The following CYTH1 variants were observed in gnomAD, a reference collection of about 807,000 sequenced individuals.
The protein encoded by CYTH1 is cytohesin-1.
CYTH1 carries 18 observed loss-of-function variants against 61.8 expected under a neutral mutation model. The observed-to-expected ratio is 0.29, with a 90% CI of 0.20 to 0.43. The LOEUF is 0.43. Ranked by LOEUF, CYTH1 falls within the 20% of genes least tolerant of loss-of-function variation. CYTH1 has a pLI of 1.00. For synonymous variants in CYTH1, 174 were observed against 184.3 expected (o/e 0.94, Z 0.45); for missense variants, 336 against 510.5 (o/e 0.66, Z 3.29).
intron 1 of CYTH1, among the ~76,000 whole-genome samples, chr17:78,730,698 T>C (rs894501227): frequency 2.0e-5 from 3 of 151,536 alleles, no homozygotes; most frequent in African/African-American, 4.8e-5. Context: ...GGAGTCTCGC[T>C]CTGTCGCCCA....
In CYTH1 at chr17:78,680,240, C is replaced by A; in HGVS notation, c.1068G>T (p.Arg356=). The change falls in exon 13 of 14, where the codon CGG becomes CGT. Residue 356 remains arginine, a synonymous_variant. Transcript: ENST00000446868. ...TCTCCTCGGGCGTCGGAGCTGAGAT[C>A]CGGTAAACAGTGTGGTTCCCCTCCA... ...RVVEGNHTVY[R]ISAPTPEEKE... The A allele has an allele frequency of 6.2e-7, 1 of 1,614,170 alleles. No individual in the cohort carries two copies. Among genetic ancestry groups the A allele is most frequent in the Admixed American group, 1.7e-5 (1 of 60,020 alleles).
intron 2 of CYTH1, 98 bp from the exon 3 acceptor site, chr17:78,708,359 T>C: frequency 8.7e-7 from 1 of 1,145,266 alleles, no homozygotes; most frequent in Non-Finnish European, 1.2e-6. Flanking sequence ...AAAAACAAAA[T>C]AAAGCAAAAT....
At chr17:78,706,392 T>C (rs1374032214) in intron 3 of CYTH1, among the ~76,000 whole-genome samples, 1 of 147,520 alleles carries the variant, frequency 6.8e-6, no homozygotes, top group Non-Finnish European at 1.5e-5. Context: ...TGCTCACGCA[T>C]GGAAGCACAC....
chr17:78,702,026 AACCCCTCC>A (rs2093015550), intron 5 of CYTH1, 88 bp downstream of exon 5: 1 of 1,084,892 alleles, frequency 9.2e-7, no homozygotes, highest in East Asian at 2.4e-5. Flanking sequence ...TTAAGGCAAA[AACCCCTCC>A]AAGAACTTCA....
intron 1 of CYTH1, among the ~76,000 whole-genome samples, chr17:78,754,270 A>G (rs535396161): frequency 6.6e-6 from 1 of 152,326 alleles, no homozygotes; most frequent in East Asian, 1.9e-4. Flanking sequence ...TTGCCCACCC[A>G]TAAGAATTTA....
At chr17:78,716,950 G>A (rs2144501520) in intron 1 of CYTH1, 1 of 152,394 alleles carries the variant, frequency 6.6e-6, no homozygotes, top group Non-Finnish European at 1.5e-5. Context: ...GGAGTTTCTG[G>A]GAAAGCACCG....
At chr17:78,753,244 G>T (rs548052168) in intron 1 of CYTH1, among the ~76,000 whole-genome samples, 2 of 152,258 alleles carry the variant, frequency 1.3e-5, no homozygotes, top group East Asian at 3.9e-4. Flanking sequence ...AGAATTGCTT[G>T]AGGCCAGGAG....
intron 1 of CYTH1, among the ~76,000 whole-genome samples, chr17:78,738,016 CA>C (rs1304987951): frequency 6.6e-6 from 1 of 152,090 alleles, no homozygotes; most frequent in African/African-American, 2.4e-5. Context: ...AATATTTAAC[CA>C]GTCCCATATT....
chr17:78,690,726 T>C (rs2092876402), intron 11 of CYTH1, among the ~76,000 whole-genome samples: 1 of 152,152 alleles, frequency 6.6e-6, no homozygotes, highest in African/African-American at 2.4e-5. Flanking sequence ...TTTCTCTGTA[T>C]TTCCATTGCT....
chr17:78,778,218 T>C (rs936972923), intron 1 of CYTH1, among the ~76,000 whole-genome samples: 3 of 136,488 alleles, frequency 2.2e-5, no homozygotes, highest in Non-Finnish European at 3.0e-5. Context: ...GAGAATCGCA[T>C]GAACCCAGGA....
intron 1 of CYTH1, among the ~76,000 whole-genome samples, chr17:78,752,456 A>G (rs6501246): frequency 0.53 from 80,490 of 151,788 alleles, 21,487 homozygotes; most frequent in East Asian, 0.61. Flanking sequence ...TTTTTGAGAC[A>G]GAGTCTTGCT....
chr17:78,732,498 G>C (rs1407741599), intron 1 of CYTH1, among the ~76,000 whole-genome samples: 4 of 152,192 alleles, frequency 2.6e-5, no homozygotes, highest in Non-Finnish European at 1.5e-5. Flanking sequence ...GTACTCAACA[G>C]GAAAGCCTAT....
intron 1 of CYTH1, chr17:78,716,826 C>G (rs1326250794): frequency 6.6e-6 from 1 of 152,154 alleles, no homozygotes; most frequent in Non-Finnish European, 1.5e-5. Flanking sequence ...TGCTGGAGAG[C>G]TGAGGTGTGA....
intron 1 of CYTH1, among the ~76,000 whole-genome samples, chr17:78,771,665 AG>A (rs1469037416): frequency 6.7e-6 from 1 of 148,188 alleles, no homozygotes; most frequent in Non-Finnish European, 1.5e-5. Flanking sequence ...AGGGAGTTGG[AG>A]GTTGTAGTGA....
At chr17:78,737,124 C>T (rs914870231) in intron 1 of CYTH1, among the ~76,000 whole-genome samples, 14 of 152,310 alleles carry the variant, frequency 9.2e-5, no homozygotes, top group African/African-American at 3.4e-4. Flanking sequence ...TTTTTCTCTT[C>T]ACTTTCAAGT....
chr17:78,680,120 A>G, intron 13 of CYTH1, 70 bp downstream of exon 13: 2 of 1,580,244 alleles, frequency 1.3e-6, no homozygotes, highest in Non-Finnish European at 1.7e-6. Context: ...TTTAACCACT[A>G]AGATGATCAA....
At chr17:78,708,055 T>C in intron 3 of CYTH1, 142 bp downstream of exon 3, 1 of 777,780 alleles carries the variant, frequency 1.3e-6, no homozygotes, top group Admixed American at 2.2e-5. Context: ...AAGGCAGACA[T>C]TATGGGTGTG....
At chr17:78,707,969 G>A (rs764981094) in intron 3 of CYTH1, among the ~76,000 whole-genome samples, 3 of 152,248 alleles carry the variant, frequency 2.0e-5, no homozygotes, top group Admixed American at 6.5e-5. Context: ...GTGAGCCACC[G>A]CGCCCGGCCT....
chr17:78,692,310 T>G (rs1035842620), intron 11 of CYTH1, 107 bp downstream of exon 11: 3 of 1,131,022 alleles, frequency 2.7e-6, no homozygotes, highest in African/African-American at 3.1e-5. Context: ...CCCCCACAGA[T>G]ACTGAAGGGC....
Sources: allele counts gnomAD v4.1 joint callset (sites outside exome capture counted in the v4.1 genomes callset), GRCh38; gene constraint gnomAD v4.1.1; transcripts MANE v1.5; gene names NCBI Gene and HGNC (gene_info 2026-07-23, HGNC 2026-07-21).